TCF4: variants seen among roughly 807,000 people sequenced by gnomAD.
TCF4 encodes SL3-3 enhancer factor 2.
In TCF4, 3 loss-of-function variants were observed where a neutral mutation model predicts 82.1. That is an observed-to-expected ratio of 0.04 (90% confidence interval 0.02 to 0.09). The LOEUF is 0.09. Ranked by LOEUF, TCF4 falls within the 10% of genes least tolerant of loss-of-function variation. The pLI, the probability that TCF4 is intolerant of heterozygous loss-of-function variation, is 1.00. For synonymous variants in TCF4, 276 were observed against 309.6 expected (o/e 0.89, Z 1.14); for missense variants, 518 against 852.7 (o/e 0.61, Z 4.89).
At chr18:55,525,230 T>C (rs1023960762) in intron 3 of TCF4, among the ~76,000 whole-genome samples, 1 of 151,978 alleles carries the variant, frequency 6.6e-6, no homozygotes, top group African/African-American at 2.4e-5. Flanking sequence ...AGTTTACATT[T>C]TGAATCAAAA....
At chr18:55,379,475 G>A (rs575794808) in intron 6 of TCF4, among the ~76,000 whole-genome samples, 3 of 152,304 alleles carry the variant, frequency 2.0e-5, no homozygotes, top group Admixed American at 2.0e-4. Flanking sequence ...GGAAGGGAGT[G>A]TGTCCCTGGG....
intron 8 of TCF4, among the ~76,000 whole-genome samples, chr18:55,295,928 A>G (rs2066385381): frequency 6.6e-6 from 1 of 151,908 alleles, no homozygotes; most frequent in Admixed American, 6.6e-5. Context: ...ACCCCAATCA[A>G]TGCATTATCA....
At chr18:55,309,278 A>ATT (rs5825134) in intron 8 of TCF4, among the ~76,000 whole-genome samples, 13 of 144,888 alleles carry the variant, frequency 9.0e-5, no homozygotes, top group Non-Finnish European at 1.5e-4. Context: ...TGCCTGGCTA[A>ATT]TTTTTTTTTT....
At chr18:55,255,657 C>T (rs114974033) in intron 14 of TCF4, among the ~76,000 whole-genome samples, 2,024 of 152,216 alleles carry the variant, frequency 0.013, 43 homozygotes, top group African/African-American at 0.047. Flanking sequence ...CCTTGTTTCA[C>T]GTGTGTATGG....
chr18:55,394,993 T>G (rs1418065274), intron 6 of TCF4, among the ~76,000 whole-genome samples: 1 of 152,368 alleles, frequency 6.6e-6, no homozygotes, highest in East Asian at 1.9e-4. Flanking sequence ...TACTTCAGAT[T>G]ACAGGCTTCT....
intron 8 of TCF4, among the ~76,000 whole-genome samples, chr18:55,284,813 C>A (rs1057378451): frequency 3.3e-5 from 5 of 152,198 alleles, no homozygotes; most frequent in African/African-American, 1.2e-4. Flanking sequence ...TTCAGTGACT[C>A]AGGCCTTGGG....
At chr18:55,496,896 C>CA (rs60244407) in intron 3 of TCF4, among the ~76,000 whole-genome samples, 4,005 of 108,680 alleles carry the variant, frequency 0.037, 141 homozygotes, top group African/African-American at 0.097. Flanking sequence ...TGTAAAATTA[C>CA]AAAAAAAAAA....
intron 8 of TCF4, chr18:55,322,115 T>A (rs1409526146): frequency 1.9e-6 from 2 of 1,071,546 alleles, no homozygotes; most frequent in Admixed American, 5.2e-5. Flanking sequence ...CTTTTTTTTT[T>A]TTTTTTTGTT....
At chr18:55,433,748 C>G (rs2095260861) in intron 5 of TCF4, among the ~76,000 whole-genome samples, 3 of 152,206 alleles carry the variant, frequency 2.0e-5, no homozygotes, top group Admixed American at 2.0e-4. Context: ...GAAACTATAT[C>G]ACATTAGTGG....
At chr18:55,285,465 A>G (rs1337389654) in intron 8 of TCF4, among the ~76,000 whole-genome samples, 3 of 152,240 alleles carry the variant, frequency 2.0e-5, no homozygotes, top group African/African-American at 7.2e-5. Context: ...ATTTTTAACA[A>G]TGGGTCTAGA....
At chr18:55,503,798 G>A (rs768544403) in intron 3 of TCF4, among the ~76,000 whole-genome samples, 1 of 152,162 alleles carries the variant, frequency 6.6e-6, no homozygotes, top group Non-Finnish European at 1.5e-5. Context: ...CTAATGGCCG[G>A]GCACTGTGGC....
In TCF4 at chr18:55,255,698, G is replaced by A. The variant is rs148823731; in HGVS notation, c.1147-998C>T. Among the ~76,000 whole-genome samples, 90 of 152,150 alleles carry A rather than the reference G, an allele frequency of 5.9e-4. No homozygotes were observed. In the East Asian group the frequency reaches 0.014, roughly 24 times the overall value. ...CAGGGAAGACATTATGATTCCTTCCGTACAGACATGAAAATGAGGCTCAAA... is the reference window on the plus strand; with the variant it reads ...CAGGGAAGACATTATGATTCCTTCCATACAGACATGAAAATGAGGCTCAAA... On this transcript the variant is annotated intron_variant, in intron 14 of 19. Transcript: ENST00000354452.
chr18:55,314,427 T>G (rs1309002865), intron 8 of TCF4, among the ~76,000 whole-genome samples: 1 of 152,154 alleles, frequency 6.6e-6, no homozygotes, highest in Non-Finnish European at 1.5e-5. Flanking sequence ...AATTTATCCT[T>G]TTTAATTTTT....
At chr18:55,360,535 C>A (rs1344069955) in intron 6 of TCF4, among the ~76,000 whole-genome samples, 1 of 152,078 alleles carries the variant, frequency 6.6e-6, no homozygotes, top group East Asian at 1.9e-4. Flanking sequence ...TCTTGAAGGA[C>A]CAGATAGAAA....
chr18:55,335,905 C>T (rs965504526), intron 8 of TCF4, among the ~76,000 whole-genome samples: 1 of 151,770 alleles, frequency 6.6e-6, no homozygotes, highest in Non-Finnish European at 1.5e-5. Flanking sequence ...TTCACACCAT[C>T]ATTTTTGATA....
At chr18:55,635,044 G>A (rs1242730272) in intron 1 of TCF4, among the ~76,000 whole-genome samples, 1 of 152,234 alleles carries the variant, frequency 6.6e-6, no homozygotes, top group African/African-American at 2.4e-5. Flanking sequence ...TAGGGCTGGA[G>A]ATGTGGTTTT....
At chr18:55,363,530 G>A (rs969375522) in intron 6 of TCF4, among the ~76,000 whole-genome samples, 2 of 152,132 alleles carry the variant, frequency 1.3e-5, no homozygotes, top group Non-Finnish European at 2.9e-5. Context: ...CCAGCTGGGC[G>A]TAGTAGCTCA....
intron 3 of TCF4, among the ~76,000 whole-genome samples, chr18:55,496,943 G>A (rs1401215008): frequency 3.3e-5 from 5 of 149,512 alleles, no homozygotes; most frequent in African/African-American, 9.8e-5. Flanking sequence ...AATATATGGA[G>A]GATACCATTT....
At chr18:55,417,947 C>T (rs1255451354) in intron 5 of TCF4, among the ~76,000 whole-genome samples, 1 of 151,064 alleles carries the variant, frequency 6.6e-6, no homozygotes, top group Non-Finnish European at 1.5e-5. Context: ...AACTCATCTG[C>T]TCCAATGGTA....
Sources: allele counts gnomAD v4.1 joint callset (sites outside exome capture counted in the v4.1 genomes callset), GRCh38; gene constraint gnomAD v4.1.1; transcripts MANE v1.5; gene names NCBI Gene and HGNC (gene_info 2026-07-23, HGNC 2026-07-21).